Variants in TENM3 observed in about 807,000 individuals in gnomAD.
TENM3 encodes the protein teneurin transmembrane protein 3.
A neutral mutation model predicts 255.1 loss-of-function variants in TENM3; 63 were observed. The observed-to-expected ratio is 0.25, with a 90% confidence interval of 0.20 to 0.30. The LOEUF (loss-of-function observed/expected upper bound fraction) is 0.30, where lower values mean the gene tolerates loss of function less well. Among genes scored for constraint, TENM3 ranks in the 10% least tolerant of loss-of-function variants. The pLI, the probability that TENM3 is intolerant of heterozygous loss-of-function variation, is 1.00. For missense variants in TENM3, 2,929 were observed against 3,461.1 expected (o/e 0.85, Z 3.86); for synonymous variants, 1,306 against 1,322.3 (o/e 0.99, Z 0.27).
chr4:182,144,182 C>T (rs1245243127), upstream of TENM3: 1 of 140,412 alleles, frequency 7.1e-6, no homozygotes, highest in African/African-American at 2.8e-5. Context: ...CTCCTCTCCT[C>T]CTCTCCCTCG....
At chr4:182,425,166 G>A (rs1402771641) in intron 3 of TENM3, among the ~76,000 whole-genome samples, 1 of 152,174 alleles carries the variant, frequency 6.6e-6, no homozygotes, top group Non-Finnish European at 1.5e-5. Context: ...CTGCTGTGCT[G>A]TTTAAAAATG....
At chr4:181,970,940 G>C in the TENM3 span, among the ~76,000 whole-genome samples, 3 of 151,980 alleles carry the variant, frequency 2.0e-5, no homozygotes, top group Non-Finnish European at 4.4e-5. Context: ...TTCCAATATT[G>C]GCTGGTTTAT....
chr4:181,963,486 A>C, the TENM3 span, among the ~76,000 whole-genome samples: 1 of 152,334 alleles, frequency 6.6e-6, no homozygotes. Context: ...TGATCTCATC[A>C]TGGAGTTTCC....
At chr4:182,702,978 T>G (rs1217138064) in intron 12 of TENM3, among the ~76,000 whole-genome samples, 1 of 151,984 alleles carries the variant, frequency 6.6e-6, no homozygotes, top group Non-Finnish European at 1.5e-5. Flanking sequence ...CCTCGTGATC[T>G]GCCCGCCTCA....
chr4:182,444,655 G>C (rs924564389), intron 3 of TENM3, among the ~76,000 whole-genome samples: 10 of 152,192 alleles, frequency 6.6e-5, no homozygotes, highest in Admixed American at 6.5e-4. Context: ...GAGAAATCGA[G>C]GACTATCCCT....
the TENM3 span, among the ~76,000 whole-genome samples, chr4:181,462,387 A>C: frequency 6.6e-6 from 1 of 152,152 alleles, no homozygotes; most frequent in South Asian, 2.1e-4. Flanking sequence ...TCTGTGTTCT[A>C]TACCAGTAAG....
chr4:182,611,378 G>GTAT (rs1185543579), intron 4 of TENM3, among the ~76,000 whole-genome samples: 1 of 151,204 alleles, frequency 6.6e-6, no homozygotes, highest in East Asian at 1.9e-4. Flanking sequence ...ATCTAATGAT[G>GTAT]TATTTAATTA....
chr4:181,759,495 C>T, the TENM3 span, among the ~76,000 whole-genome samples: 1 of 151,922 alleles, frequency 6.6e-6, no homozygotes, highest in East Asian at 1.9e-4. Flanking sequence ...AAGATTATAG[C>T]CATAGAACAA....
the TENM3 span, among the ~76,000 whole-genome samples, chr4:181,452,535 T>C: frequency 1.3e-5 from 2 of 152,140 alleles, no homozygotes; most frequent in Non-Finnish European, 2.9e-5. Context: ...GGTGCCACCA[T>C]ATGAAGAAGG....
At chr4:181,761,970 T>A in the TENM3 span, among the ~76,000 whole-genome samples, 1 of 152,184 alleles carries the variant, frequency 6.6e-6, no homozygotes, top group Non-Finnish European at 1.5e-5. Flanking sequence ...TTCCCTTTTA[T>A]TGTCAAATTG....
chr4:182,575,983 A>T (rs1380954431), intron 3 of TENM3, among the ~76,000 whole-genome samples: 1 of 152,212 alleles, frequency 6.6e-6, no homozygotes, highest in Non-Finnish European at 1.5e-5. Context: ...GTATTCAGTT[A>T]TTCTCATTTT....
chr4:181,977,140 C>A, the TENM3 span, among the ~76,000 whole-genome samples: 4 of 152,172 alleles, frequency 2.6e-5, no homozygotes, highest in Non-Finnish European at 5.9e-5. Flanking sequence ...TCTGAAATAT[C>A]ATGCAAAGTA....
intron 1 of TENM3, among the ~76,000 whole-genome samples, chr4:182,209,300 CGTT>C (rs1754818674): frequency 6.7e-6 from 1 of 148,750 alleles, no homozygotes; most frequent in Non-Finnish European, 1.5e-5. Context: ...AAAAAAAAAT[CGTT>C]GTTTTGACAC....
At chr4:182,015,687 A>G in the TENM3 span, among the ~76,000 whole-genome samples, 2 of 151,860 alleles carry the variant, frequency 1.3e-5, no homozygotes, top group African/African-American at 2.4e-5. Context: ...CAGCCTCCTG[A>G]GTAGCTGGGA....
the TENM3 span, among the ~76,000 whole-genome samples, chr4:181,456,350 C>G: frequency 6.6e-6 from 1 of 151,764 alleles, no homozygotes; most frequent in Admixed American, 6.6e-5. Flanking sequence ...TAACCTATTC[C>G]TTGCAAGTTC....
At position 182,783,556 on chromosome 4, in the gene TENM3, G is replaced by GTA. The variant is rs1447885817; in HGVS notation, c.5305-5535_5305-5534dup. Among the ~76,000 whole-genome samples, 189 of 150,480 alleles carry GTA rather than the reference G, an allele frequency of 1.3e-3. 3 individuals are homozygous for GTA. Among genetic ancestry groups the GTA allele is most frequent in the Admixed American group, 9.0e-3 (137 of 15,148 alleles). On this transcript the variant is annotated intron_variant, in intron 24 of 27. Coordinates refer to ENST00000511685, the MANE Select transcript of TENM3 (RefSeq NM_001080477.4). ...GTCTTGGAGTTGCTCTTCTCGAGGA[G>GTA]TATCTTTGTGGCGTTCTCTGTATTT...
In TENM3 at chr4:182,738,471, G is replaced by A. The variant is rs1761342252; in HGVS notation, c.3306G>A (p.Gln1102=). 4 of 1,613,454 alleles carry A rather than the reference G, an allele frequency of 2.5e-6. No individual in the cohort carries two copies. In the East Asian group the frequency reaches 8.9e-5, roughly 36 times the overall value. The change falls in exon 18 of 28, where the codon CAG becomes CAA. Residue 1102 remains glutamine (Q), a synonymous_variant. Transcript: ENST00000511685. ...TLWEKRTAIL[Q]GYELDASNMG... ...GGGAAAAGAGGACTGCCATTCTGCA[G>A]GGCTATGAATTGGATGCGTCCAACA...
chr4:181,990,713 A>G, the TENM3 span, among the ~76,000 whole-genome samples: 1 of 152,156 alleles, frequency 6.6e-6, no homozygotes, highest in African/African-American at 2.4e-5. Flanking sequence ...ATTAGAAGCC[A>G]CCAACAGCCT....
chr4:182,557,836 T>C (rs537093155), intron 3 of TENM3, among the ~76,000 whole-genome samples: 1 of 152,312 alleles, frequency 6.6e-6, no homozygotes, highest in South Asian at 2.1e-4. Context: ...AGAAACACTT[T>C]TACCTAGATG....
Sources: gnomAD v4.1 joint callset for allele counts (sites outside exome capture counted in the v4.1 genomes callset) on GRCh38, gnomAD v4.1.1 for gene constraint, MANE v1.5 for transcripts, NCBI Gene and HGNC (gene_info 2026-07-23, HGNC 2026-07-21) for gene names.